MRPL15: variants seen among roughly 807,000 people sequenced by gnomAD.
MRPL15 encodes the protein large ribosomal subunit protein uL15m.
Under a neutral mutation model 28.0 loss-of-function variants are expected in MRPL15, and 24 were observed. That is an observed-to-expected ratio of 0.86 (90% CI 0.62 to 1.21). The LOEUF (loss-of-function observed/expected upper bound fraction) is 1.21, where lower values mean the gene tolerates loss of function less well. Among genes scored for constraint, MRPL15 ranks in the 50% most tolerant of loss-of-function variants. The pLI is 0.00. For synonymous variants in MRPL15, 124 were observed against 137.0 expected (o/e 0.90, Z 0.66); for missense variants, 343 against 372.4 (o/e 0.92, Z 0.65).
chr8:54,140,569 C>CTTTTTTT, intron 3 of MRPL15, among the ~76,000 whole-genome samples: 2 of 101,506 alleles, frequency 2.0e-5, no homozygotes, highest in African/African-American at 4.2e-5. Context: ...ACTACATTTT[C>CTTTTTTT]TTTTCTTTTT....
intron 1 of MRPL15, 135 bp downstream of exon 1, chr8:54,135,526 C>T: frequency 3.7e-6 from 2 of 541,450 alleles, no homozygotes; most frequent in Non-Finnish European, 3.1e-6. Flanking sequence ...CATGCCTGTT[C>T]TCCCTTACTG....
rs748564676 is a variant in MRPL15, at chr8:54,135,308, G to A, written c.25G>A (p.Gly9Arg). The A allele has an allele frequency of 2.1e-6, 3 of 1,416,892 alleles. No individual in the cohort carries two copies. Among genetic ancestry groups the A allele is most frequent in the Non-Finnish European group, 2.8e-6 (3 of 1,078,474 alleles). The allele number at this position is 1,416,892 out of a possible 1,614,324, so 87.8% of individuals were successfully genotyped here. The stretch of plus-strand genomic sequence containing the variant: ...TATGGCCGGTCCCTTGCAGGGCGGT[G>A]GGGCCCGGGCCCTGGACCTACTCCG... MAGPLQGG[G>R]ARALDLLRGL... The change falls in exon 1 of 5, where the codon GGG becomes AGG. Residue 9 changes from glycine to arginine, a missense_variant. Transcript: ENST00000260102.
chr8:54,145,057 G>A (rs1166583225), intron 4 of MRPL15, among the ~76,000 whole-genome samples: 1 of 152,218 alleles, frequency 6.6e-6, no homozygotes, highest in South Asian at 2.1e-4. Flanking sequence ...GGCACCCTCA[G>A]CCTTGATGCT....
At chr8:54,135,658 G>A (rs1810817296) in intron 1 of MRPL15, among the ~76,000 whole-genome samples, 1 of 149,112 alleles carries the variant, frequency 6.7e-6, no homozygotes, top group African/African-American at 2.5e-5. Context: ...CCGATTAGCT[G>A]GGATTACAGG....
At chr8:54,142,814 C>A in intron 4 of MRPL15, 28 bp downstream of exon 4, 3 of 1,609,936 alleles carry the variant, frequency 1.9e-6, no homozygotes, top group Non-Finnish European at 2.5e-6. Context: ...TCATTTTCTT[C>A]TTTCTCTCTT....
intron 3 of MRPL15, among the ~76,000 whole-genome samples, chr8:54,142,161 T>A (rs142551251): frequency 1.9e-3 from 279 of 150,480 alleles, no homozygotes; most frequent in African/African-American, 6.5e-3. Context: ...ATTTTATTTT[T>A]ATTTTTATTT....
Position 54,135,355 on chromosome 8 carries a change from G to T in MRPL15, c.72G>T (p.Leu24=). Residue 24 remains leucine, a synonymous_variant, in exon 1 of 5, where the codon CTG becomes CTT. Transcript: ENST00000260102. ...TCCGGGGCCTGCCGCGTGTGAGCCT[G>T]GCCAACTTAAAGCCGAATCCCGGCT... ...DLLRGLPRVS[L]ANLKPNPGSK... is the part of the protein sequence containing the mutation. The T allele has an allele frequency of 6.6e-7, 1 of 1,521,144 alleles. No homozygotes were observed. The highest frequency in any genetic ancestry group is 2.7e-5 in the East Asian group (1 of 37,012). 94.2% of individuals were successfully genotyped at this position (1,521,144 alleles called of 1,614,324 possible).
At chr8:54,143,088 T>TC (rs1175295322) in intron 4 of MRPL15, among the ~76,000 whole-genome samples, 1 of 146,106 alleles carries the variant, frequency 6.8e-6, no homozygotes, top group African/African-American at 2.5e-5. Context: ...CTTTTCTCTC[T>TC]TTTTTTTTTT....
intron 3 of MRPL15, among the ~76,000 whole-genome samples, chr8:54,140,835 GC>G (rs1237596187): frequency 6.8e-6 from 1 of 146,062 alleles, no homozygotes; most frequent in East Asian, 2.0e-4. Flanking sequence ...ACCCGCCTTG[GC>G]CTCCCAAAAT....
chr8:54,138,301 CT>C lies in MRPL15; in HGVS notation c.429+896del, dbSNP rs71254537. On this transcript the variant is annotated intron_variant, in intron 3 of 4. Transcript: ENST00000260102. The stretch of plus-strand genomic sequence containing the variant: ...TTGAATGTCAACATATCAGGAAGAT[CT>C]TTTTTTTTTTTTTTTTTTTTTTTTT... Among the ~76,000 whole-genome samples the C allele has an allele frequency of 7.6e-3, 434 of 56,998 alleles. 3 individuals are homozygous for C. Among genetic ancestry groups the C allele is most frequent in the African/African-American group, 0.028 (354 of 12,426 alleles). The allele number at this position is 56,998 out of a possible 152,430, so 37.4% of individuals were successfully genotyped here.
chr8:54,147,643 G>A lies in MRPL15; in HGVS notation c.815G>A (p.Gly272Glu), dbSNP rs1340807739. ...PRQIFFGLAP[G>E]WVVNMADKKI... ...CAGATTTTCTTTGGTCTTGCTCCAG[G>A]ATGGGTGGTGAATATGGCCGATAAG... Residue 272 changes from glycine to glutamate, a missense_variant, in exon 5 of 5, where the codon GGA (glycine) becomes GAA (glutamate). By Grantham distance (98) the Gly-to-Glu change is moderately conservative. Coordinates refer to ENST00000260102, the MANE Select transcript of MRPL15 (RefSeq NM_014175.4). 6.2e-7 allele frequency: 1 copy of A among 1,614,056 alleles called. No homozygotes were observed. The highest frequency in any genetic ancestry group is 1.3e-5 in the African/African-American group (1 of 74,920).
In MRPL15 at chr8:54,147,374, T is replaced by G; in HGVS notation, c.554-8T>G. The G allele has an allele frequency of 1.3e-6, 2 of 1,581,380 alleles. No individual in the cohort carries two copies. The highest frequency in any genetic ancestry group is 1.7e-4 in the Middle Eastern group (1 of 5,798). On this transcript the variant is annotated splice_polypyrimidine_tract_variant and splice_region_variant and intron_variant, in intron 4 of 4. Transcript: ENST00000260102. Reference sequence around the variant, plus strand: ...CATCTCACTTTTTAAATTTAAATTTTCTTTTAGACATTGTATGCAAACCTG... The same window carrying G: ...CATCTCACTTTTTAAATTTAAATTTGCTTTTAGACATTGTATGCAAACCTG...
rs765295425 is a variant in MRPL15 at position 54,147,494 on chromosome 8, C to T, written c.666C>T (p.Tyr222=). The change falls in exon 5 of 5, where the codon TAC becomes TAT. Residue 222 remains tyrosine (Y), a synonymous_variant. Coordinates refer to ENST00000260102, the MANE Select transcript of MRPL15 (RefSeq NM_014175.4). ...ACACTGATGCAAAGAACCGTGGGTA[C>T]CTGGCGGATCCTGCCAAATTTCCTG... ...PYYTDAKNRG[Y]LADPAKFPEA... 7.4e-6 allele frequency: 12 copies of T among 1,614,048 alleles called. No individual in the cohort carries two copies. The highest frequency in any genetic ancestry group is 1.0e-5 in the Non-Finnish European group (12 of 1,180,036).
At chr8:54,140,315 T>C (rs1256059564) in intron 3 of MRPL15, among the ~76,000 whole-genome samples, 3 of 152,108 alleles carry the variant, frequency 2.0e-5, no homozygotes, top group Non-Finnish European at 4.4e-5. Flanking sequence ...TGCAGTGCAA[T>C]GGCACAATCT....
At chr8:54,145,474 C>T (rs866326774) in intron 4 of MRPL15, among the ~76,000 whole-genome samples, 1 of 151,770 alleles carries the variant, frequency 6.6e-6, no homozygotes, top group African/African-American at 2.4e-5. Context: ...GCCACCATGC[C>T]GGGCCAGAAA....
chr8:54,135,570 CT>C lies in MRPL15; in HGVS notation c.108+203del, dbSNP rs537299219. ...GGAATCTTTCCACGTGCACCCAGTT[CT>C]TTTTTTTTTTTTTTTTTTTTTTTCC... is the stretch of plus-strand genomic sequence containing the variant. On this transcript the variant is annotated intron_variant, in intron 1 of 4. Coordinates refer to ENST00000260102, the MANE Select transcript of MRPL15 (RefSeq NM_014175.4). Among the ~76,000 whole-genome samples, 1,108 of 116,734 alleles carry C rather than the reference CT, an allele frequency of 9.5e-3. 8 individuals are homozygous for C. The highest frequency in any genetic ancestry group is 0.019 in the African/African-American group (650 of 33,450). 76.6% of individuals were successfully genotyped at this position (116,734 alleles called of 152,430 possible).
At position 54,147,631 on chromosome 8, in the gene MRPL15, G is replaced by T; in HGVS notation, c.803G>T (p.Gly268Val). 4 of 1,614,158 alleles carry T rather than the reference G, an allele frequency of 2.5e-6. No individual in the cohort carries two copies. The highest frequency in any genetic ancestry group is 3.4e-6 in the Non-Finnish European group (4 of 1,180,020). ...TRKDPRQIFF[G>V]LAPGWVVNMA... is the part of the protein sequence containing the mutation. ...AAGGATCCAAGGCAGATTTTCTTTG[G>T]TCTTGCTCCAGGATGGGTGGTGAAT... Residue 268 changes from glycine to valine, a missense_variant, in exon 5 of 5, where the codon GGT (glycine) becomes GTT (valine). By Grantham distance (109) the Gly-to-Val change is moderately radical (BLOSUM62 -3). Coordinates refer to ENST00000260102, the MANE Select transcript of MRPL15 (RefSeq NM_014175.4).
intron 1 of MRPL15, among the ~76,000 whole-genome samples, 179 bp downstream of exon 1, chr8:54,135,570 CTTTTT>C (rs537299219): frequency 0.025 from 2,915 of 116,836 alleles, 99 homozygotes; most frequent in African/African-American, 0.082. Flanking sequence ...GCACCCAGTT[CTTTTT>C]TTTTTTTTTT....
intron 4 of MRPL15, among the ~76,000 whole-genome samples, chr8:54,145,151 A>G (rs1811022433): frequency 6.6e-6 from 1 of 152,206 alleles, no homozygotes; most frequent in East Asian, 1.9e-4. Flanking sequence ...ATCCAATCAC[A>G]GGCTTATCAC....
Sources: gnomAD v4.1 joint callset for allele counts (sites outside exome capture counted in the v4.1 genomes callset) on GRCh38, gnomAD v4.1.1 for gene constraint, MANE v1.5 for transcripts, NCBI Gene and HGNC (gene_info 2026-07-23, HGNC 2026-07-21) for gene names.